The following SI variants were observed in gnomAD, a reference collection of about 807,000 sequenced individuals.
The protein encoded by SI is sucrase-isomaltase, intestinal.
A neutral mutation model predicts 253.3 loss-of-function variants in SI; 235 were observed. That is an observed-to-expected ratio of 0.93 (90% CI 0.83 to 1.03). The LOEUF (loss-of-function observed/expected upper bound fraction) is 1.03. Ranked by LOEUF, SI falls within the 50% of genes least tolerant of loss-of-function variation. SI has a pLI of 0.00. For synonymous variants in SI, 819 were observed against 712.0 expected (o/e 1.15, Z -2.39); for missense variants, 2,442 against 2,211.1 (o/e 1.10, Z -2.09).
intron 21 of SI, among the ~76,000 whole-genome samples, 193 bp from the exon 22 acceptor site, chr3:165,036,670 A>C (rs1459682352): frequency 6.6e-6 from 1 of 151,854 alleles, no homozygotes; most frequent in Non-Finnish European, 1.5e-5. Context: ...TACCGAAATA[A>C]TTTATACATG....
intron 10 of SI, among the ~76,000 whole-genome samples, chr3:165,059,507 C>A (rs1713883144): frequency 6.6e-6 from 1 of 151,922 alleles, no homozygotes; most frequent in African/African-American, 2.4e-5. Flanking sequence ...AGTGATTATT[C>A]ATATTTGTCA....
chr3:164,993,614 TTA>T (rs1387304788), intron 41 of SI, among the ~76,000 whole-genome samples: 1 of 151,750 alleles, frequency 6.6e-6, no homozygotes, highest in African/African-American at 2.4e-5. Flanking sequence ...TTTTTTGTTT[TTA>T]TGTTTGACTG....
intron 31 of SI, among the ~76,000 whole-genome samples, chr3:165,016,809 T>C (rs1719051723): frequency 6.6e-6 from 1 of 151,964 alleles, no homozygotes; most frequent in East Asian, 1.9e-4. Context: ...TACCTCCTTT[T>C]AAATAATAAA....
intron 37 of SI, among the ~76,000 whole-genome samples, chr3:165,002,569 A>G (rs1258009380): frequency 6.6e-6 from 1 of 151,812 alleles, no homozygotes; most frequent in East Asian, 1.9e-4. Flanking sequence ...TGGTCTGTAT[A>G]ACTTGAGAAA....
At chr3:164,996,390 A>C in intron 40 of SI, 145 bp downstream of exon 40, 1 of 619,420 alleles carries the variant, frequency 1.6e-6, no homozygotes. Flanking sequence ...TACTCAAAAA[A>C]AGTTCCTCCA....
intron 43 of SI, 23 bp downstream of exon 43, chr3:164,992,154 C>T (rs1195581350): frequency 1.9e-6 from 3 of 1,591,974 alleles, no homozygotes; most frequent in Non-Finnish European, 2.6e-6. Context: ...TAGTTAATTC[C>T]CCAGAATTCC....
the SI span, among the ~76,000 whole-genome samples, chr3:165,087,048 G>A: frequency 1.3e-5 from 2 of 152,290 alleles, no homozygotes; most frequent in East Asian, 3.9e-4. Context: ...GCCTTAGGAT[G>A]CTGGGAAAAG....
intron 16 of SI, among the ~76,000 whole-genome samples, chr3:165,046,004 T>C (rs1317131472): frequency 1.3e-5 from 2 of 151,766 alleles, no homozygotes; most frequent in South Asian, 2.1e-4. Context: ...CGTCTTTTGG[T>C]ATTTTTGGTA....
Position 165,017,970 on chromosome 3 carries a change from C to A in SI, c.3520G>T (p.Asp1174Tyr). 8 of 1,602,478 alleles carry A rather than the reference C, an allele frequency of 5.0e-6. No homozygotes were observed. The highest frequency in any genetic ancestry group is 6.8e-6 in the Non-Finnish European group (8 of 1,169,882). Residue 1174 changes from aspartate to tyrosine, a missense_variant and splice_region_variant, in exon 29 of 48, where the codon GAT becomes TAT. Coordinates refer to ENST00000264382, the MANE Select transcript of SI (RefSeq NM_001041.4). Reference protein sequence around the residue: ...GVFLLNSNAMDVTFQPTPALT... With the variant: ...GVFLLNSNAMYVTFQPTPALT... Reference sequence around the variant, plus strand: ...GACATTCAACAAATGATTGTTTTACCCATTGCATTGCTGTTGAGTAAGAAA... The same window carrying A: ...GACATTCAACAAATGATTGTTTTACACATTGCATTGCTGTTGAGTAAGAAA...
At chr3:165,047,748 A>AT (rs1560006848) in intron 15 of SI, among the ~76,000 whole-genome samples, 1 of 151,934 alleles carries the variant, frequency 6.6e-6, no homozygotes, top group South Asian at 2.1e-4. Context: ...AACCTAATAC[A>AT]TTTTTTGTAG....
intron 36 of SI, 43 bp downstream of exon 36, chr3:165,007,868 A>C (rs1332416516): frequency 6.5e-6 from 6 of 917,592 alleles, no homozygotes; most frequent in Non-Finnish European, 1.1e-5. Context: ...TTAATATATA[A>C]TAATAACATG....
chr3:164,983,220 G>C (rs1027027033), intron 45 of SI, among the ~76,000 whole-genome samples, 169 bp from the exon 46 acceptor site: 6 of 152,150 alleles, frequency 3.9e-5, no homozygotes, highest in African/African-American at 1.4e-4. Flanking sequence ...AATCCAAGGA[G>C]CCTTGGAAAT....
At chr3:165,063,269 G>T (rs1040592732) in intron 8 of SI, among the ~76,000 whole-genome samples, 173 bp downstream of exon 8, 2 of 151,920 alleles carry the variant, frequency 1.3e-5, no homozygotes, top group Admixed American at 6.6e-5. Flanking sequence ...GCGCTGGCAT[G>T]CAAAAATTGA....
intron 9 of SI, 67 bp from the exon 10 acceptor site, chr3:165,060,094 T>A (rs1713913989): frequency 1.4e-5 from 19 of 1,347,234 alleles, no homozygotes; most frequent in Non-Finnish European, 2.0e-5. Flanking sequence ...ATAACCAAGG[T>A]TAATGTGCCT....
At position 165,073,904 on chromosome 3, in the gene SI, T is replaced by C. The variant is rs183832218; in HGVS notation, c.255+627A>G. On this transcript the variant is annotated intron_variant, in intron 3 of 47. Transcript: ENST00000264382. Reference sequence around the variant, plus strand: ...TTGAGAGATTTGAACATCTGCAGATTTTGGTATCCTCAGAAGTCCTGAAAC... The same window carrying C: ...TTGAGAGATTTGAACATCTGCAGATCTTGGTATCCTCAGAAGTCCTGAAAC... 1.5e-3 allele frequency among the ~76,000 whole-genome samples: 225 copies of C among 152,196 alleles called. 1 individual carries two copies. The highest frequency in any genetic ancestry group is 5.3e-3 in the African/African-American group (219 of 41,570).
In SI at chr3:164,979,272, A is replaced by T; in HGVS notation, c.*90T>A. On this transcript the variant is annotated 3_prime_UTR_variant, in exon 48 of 48. Coordinates refer to ENST00000264382, the MANE Select transcript of SI (RefSeq NM_001041.4). The stretch of plus-strand genomic sequence containing the variant: ...ATGAAAGCTATATTTTGTAGAGTAC[A>T]AGAACCAAGTGAAGAGGGAAAATTG... The T allele has an allele frequency of 1.2e-6, 1 of 810,120 alleles. No homozygotes were observed. Among genetic ancestry groups the T allele is most frequent in the East Asian group, 2.4e-5 (1 of 40,978 alleles). 50.2% of individuals were successfully genotyped at this position (810,120 alleles called of 1,614,324 possible). A position where few individuals can be genotyped will look rare whatever the true frequency, so the allele number is the denominator to read the frequency against.
chr3:164,983,240 G>A (rs1717281266), intron 45 of SI, among the ~76,000 whole-genome samples, 189 bp from the exon 46 acceptor site: 1 of 152,134 alleles, frequency 6.6e-6, no homozygotes, highest in African/African-American at 2.4e-5. Flanking sequence ...TGAAGGATGA[G>A]TCACCAGGTA....
At chr3:164,995,764 T>C (rs947852345) in intron 40 of SI, among the ~76,000 whole-genome samples, 4 of 151,834 alleles carry the variant, frequency 2.6e-5, no homozygotes, top group African/African-American at 9.7e-5. Flanking sequence ...TCCATCACTT[T>C]AGTTTAATCT....
At chr3:165,008,182 T>C (rs1244568876) in intron 35 of SI, among the ~76,000 whole-genome samples, 184 bp from the exon 36 acceptor site, 2 of 151,948 alleles carry the variant, frequency 1.3e-5, no homozygotes, top group Admixed American at 6.6e-5. Flanking sequence ...GATTGCTTTT[T>C]TCAGTTTCCT....
Sources: gnomAD v4.1 joint callset for allele counts (sites outside exome capture counted in the v4.1 genomes callset) on GRCh38, gnomAD v4.1.1 for gene constraint, MANE v1.5 for transcripts, NCBI Gene and HGNC (gene_info 2026-07-23, HGNC 2026-07-21) for gene names.